Variants in UNC5D observed in about 807,000 individuals in gnomAD.
The protein encoded by UNC5D is netrin receptor UNC5D.
UNC5D carries 39 observed loss-of-function variants against 105.4 expected under a neutral mutation model. The observed-to-expected ratio is 0.37, with a 90% CI of 0.29 to 0.48. The LOEUF is 0.48. Ranked by LOEUF, UNC5D falls within the 20% of genes least tolerant of loss-of-function variation. UNC5D has a pLI of 0.98. For missense variants in UNC5D, 991 were observed against 1,202.4 expected, an observed-to-expected ratio of 0.82 and a Z score of 2.60; for synonymous variants, 452 against 450.4, an observed-to-expected ratio of 1.00 and a Z score of -0.04.
intron 1 of UNC5D, among the ~76,000 whole-genome samples, chr8:35,272,940 T>C (rs1280138853): frequency 6.6e-6 from 1 of 152,198 alleles, no homozygotes; most frequent in African/African-American, 2.4e-5. Flanking sequence ...GTACATTAGG[T>C]ATCACTTTTA....
chr8:35,718,885 A>G (rs560240807), intron 8 of UNC5D, among the ~76,000 whole-genome samples: 3 of 152,136 alleles, frequency 2.0e-5, no homozygotes, highest in African/African-American at 4.8e-5. Flanking sequence ...GCGAGTGTCC[A>G]TCTAGCAGAG....
At chr8:35,322,531 G>A (rs540365846) in intron 1 of UNC5D, among the ~76,000 whole-genome samples, 2 of 152,178 alleles carry the variant, frequency 1.3e-5, no homozygotes, top group South Asian at 2.1e-4. Context: ...TTGTTTTCAT[G>A]TAATACATTT....
intron 4 of UNC5D, among the ~76,000 whole-genome samples, chr8:35,597,516 T>C (rs1283196444): frequency 6.6e-6 from 1 of 152,110 alleles, no homozygotes; most frequent in Non-Finnish European, 1.5e-5. Context: ...TTACAAATGT[T>C]TTATGCATAA....
At chr8:35,567,792 G>A (rs1168255193) in intron 2 of UNC5D, among the ~76,000 whole-genome samples, 2 of 152,140 alleles carry the variant, frequency 1.3e-5, no homozygotes, top group African/African-American at 2.4e-5. Flanking sequence ...AATCAACATT[G>A]TGTAAAATCT....
intron 10 of UNC5D, chr8:35,727,511 G>A (rs1444643105): frequency 6.6e-6 from 1 of 152,104 alleles, no homozygotes; most frequent in Non-Finnish European, 1.5e-5. Flanking sequence ...TACCATTCTA[G>A]CTAACTGACC....
chr8:35,334,122 T>C (rs1298358880), intron 1 of UNC5D, among the ~76,000 whole-genome samples: 4 of 152,040 alleles, frequency 2.6e-5, no homozygotes, highest in African/African-American at 9.7e-5. Context: ...ACCCAAGGGA[T>C]TGAAACACAG....
chr8:35,694,485 T>C (rs1169604816), intron 7 of UNC5D, among the ~76,000 whole-genome samples: 1 of 152,218 alleles, frequency 6.6e-6, no homozygotes, highest in Non-Finnish European at 1.5e-5. Flanking sequence ...TGCAGTGAGA[T>C]AGTTTGAGTT....
At chr8:35,241,547 C>T (rs1302636084) in intron 1 of UNC5D, among the ~76,000 whole-genome samples, 1 of 151,862 alleles carries the variant, frequency 6.6e-6, no homozygotes, top group African/African-American at 2.4e-5. Context: ...GATATCAGGC[C>T]ACTATAGAGC....
chr8:35,322,426 A>G (rs1809820247), intron 1 of UNC5D, among the ~76,000 whole-genome samples: 1 of 151,396 alleles, frequency 6.6e-6, no homozygotes, highest in Non-Finnish European at 1.5e-5. Context: ...GTAAGTCTTC[A>G]TTTTACAAAC....
chr8:35,464,349 A>G (rs1007411885), intron 1 of UNC5D, among the ~76,000 whole-genome samples: 1 of 152,166 alleles, frequency 6.6e-6, no homozygotes, highest in Non-Finnish European at 1.5e-5. Context: ...ATAATAATAA[A>G]AAAGAAAACA....
intron 1 of UNC5D, among the ~76,000 whole-genome samples, chr8:35,482,927 CG>C (rs1810578836): frequency 6.6e-6 from 1 of 151,336 alleles, no homozygotes; most frequent in Non-Finnish European, 1.5e-5. Flanking sequence ...CGTGGCCCCC[CG>C]AGTAGCTGGG....
chr8:35,462,150 C>G (rs1808939104), intron 1 of UNC5D, among the ~76,000 whole-genome samples: 1 of 152,022 alleles, frequency 6.6e-6, no homozygotes, highest in Admixed American at 6.6e-5. Flanking sequence ...TTCTCTCAAG[C>G]CCTTAAATTC....
intron 4 of UNC5D, among the ~76,000 whole-genome samples, chr8:35,634,302 G>A (rs748104610): frequency 2.0e-5 from 3 of 152,208 alleles, no homozygotes; most frequent in Non-Finnish European, 4.4e-5. Flanking sequence ...CATTTTCCCT[G>A]AGAACCAGGT....
intron 7 of UNC5D, among the ~76,000 whole-genome samples, chr8:35,689,003 G>A (rs1194117154): frequency 6.6e-6 from 1 of 152,154 alleles, no homozygotes; most frequent in East Asian, 1.9e-4. Context: ...CAGATATTTG[G>A]CCATGATTAT....
At chr8:35,666,405 GA>G (rs1232651126) in intron 4 of UNC5D, among the ~76,000 whole-genome samples, 1 of 151,482 alleles carries the variant, frequency 6.6e-6, no homozygotes, top group African/African-American at 2.4e-5. Flanking sequence ...AATAAAAAAC[GA>G]AGGAGGGGGC....
chr8:35,473,171 G>C lies in UNC5D; in HGVS notation c.104-76121G>C, dbSNP rs76907804. On this transcript the variant is annotated intron_variant, in intron 1 of 16. Coordinates refer to ENST00000404895, the MANE Select transcript of UNC5D (RefSeq NM_080872.4). The stretch of plus-strand genomic sequence containing the variant: ...GATGCCAACCTCAGTTGACAATGCA[G>C]GAGAAATGAGAGATGGTGTAGTATT... Among the ~76,000 whole-genome samples, 781 of 152,298 alleles carry C rather than the reference G, an allele frequency of 5.1e-3. 7 individuals carry two copies. Among genetic ancestry groups the C allele is most frequent in the African/African-American group, 0.017 (709 of 41,560 alleles).
intron 10 of UNC5D, among the ~76,000 whole-genome samples, chr8:35,728,862 T>C (rs1829038125): frequency 6.6e-6 from 1 of 152,182 alleles, no homozygotes. Context: ...TATGGGGTAT[T>C]ATATTTTTCT....
intron 1 of UNC5D, among the ~76,000 whole-genome samples, chr8:35,434,769 T>C (rs1189141602): frequency 2.0e-5 from 3 of 152,134 alleles, no homozygotes; most frequent in Non-Finnish European, 4.4e-5. Context: ...AAAACTTACA[T>C]GATAGTTCTT....
chr8:35,246,271 A>G (rs1803090902), intron 1 of UNC5D, among the ~76,000 whole-genome samples: 1 of 152,138 alleles, frequency 6.6e-6, no homozygotes, highest in Non-Finnish European at 1.5e-5. Flanking sequence ...GGCATTTTAA[A>G]TATGCATCAA....
Sources: allele counts gnomAD v4.1 joint callset (sites outside exome capture counted in the v4.1 genomes callset), GRCh38; gene constraint gnomAD v4.1.1; transcripts MANE v1.5; gene names NCBI Gene and HGNC (gene_info 2026-07-23, HGNC 2026-07-21).